The following MICU3 variants were observed in gnomAD, a reference collection of about 807,000 sequenced individuals.
The protein encoded by MICU3 is calcium uptake protein 3, mitochondrial.
A neutral mutation model predicts 66.5 loss-of-function variants in MICU3; 62 were observed. The ratio of observed to expected loss-of-function variants is 0.93; its 90% CI spans 0.76 to 1.15. The LOEUF is 1.15. MICU3 is among the 50% of genes most tolerant of loss of function. The pLI, the probability that MICU3 is intolerant of heterozygous loss-of-function variation, is 0.00. For synonymous variants in MICU3, 308 were observed against 240.7 expected, an observed-to-expected ratio of 1.28 and a Z score of -2.59; for missense variants, 779 against 664.4, an observed-to-expected ratio of 1.17 and a Z score of -1.90.
intron 8 of MICU3, among the ~76,000 whole-genome samples, chr8:17,090,843 A>G (rs936137980): frequency 6.6e-6 from 1 of 152,116 alleles, no homozygotes; most frequent in Non-Finnish European, 1.5e-5. Flanking sequence ...CAATTAAAAC[A>G]TAATAATTGA....
chr8:17,060,198 C>G (rs1174337776), intron 1 of MICU3, among the ~76,000 whole-genome samples: 1 of 152,144 alleles, frequency 6.6e-6, no homozygotes, highest in African/African-American at 2.4e-5. Context: ...CATCCTGTCT[C>G]ATTCTCCATC....
chr8:17,119,883 T>TA (rs1803061172), intron 14 of MICU3, among the ~76,000 whole-genome samples: 2 of 152,136 alleles, frequency 1.3e-5, no homozygotes, highest in African/African-American at 4.8e-5. Flanking sequence ...GTAGCTGAGT[T>TA]AACAAAAGAA....
At chr8:17,054,057 G>A (rs7015107) in intron 1 of MICU3, among the ~76,000 whole-genome samples, 23,785 of 152,078 alleles carry the variant, frequency 0.16, 3,915 homozygotes, top group African/African-American at 0.42. Context: ...AGCTTTGCAA[G>A]GTCTTTTTGA....
rs549245187 is a variant in MICU3 at position 17,122,025 on chromosome 8, C to T, written c.*1738C>T. The T allele has an allele frequency of 7.9e-5, 12 of 151,798 alleles. No individual in the cohort carries two copies. The highest frequency in any genetic ancestry group is 6.2e-4 in the South Asian group (3 of 4,824). 9.4% of individuals were successfully genotyped at this position (151,798 alleles called of 1,614,324 possible). On this transcript the variant is annotated 3_prime_UTR_variant, in exon 15 of 15. Coordinates refer to ENST00000318063, the MANE Select transcript of MICU3 (RefSeq NM_181723.3). ...CTTGACTATAAGTTATACTATGTTGCGTACATGGCAAATCCTGCAAATATA... is the reference window on the plus strand; with the variant it reads ...CTTGACTATAAGTTATACTATGTTGTGTACATGGCAAATCCTGCAAATATA...
chr8:17,078,893 T>C (rs1329020850), intron 4 of MICU3, among the ~76,000 whole-genome samples: 2 of 152,138 alleles, frequency 1.3e-5, no homozygotes, highest in East Asian at 3.9e-4. Flanking sequence ...CTAGATGTTG[T>C]CTTAAAGATT....
chr8:17,068,736 A>T (rs892474956), intron 2 of MICU3, among the ~76,000 whole-genome samples: 13 of 152,196 alleles, frequency 8.5e-5, no homozygotes, highest in African/African-American at 2.9e-4. Context: ...AATAAAGAAA[A>T]AACTACACAG....
chr8:17,036,043 C>T (rs1007145349), intron 1 of MICU3, among the ~76,000 whole-genome samples: 1 of 152,096 alleles, frequency 6.6e-6, no homozygotes, highest in Non-Finnish European at 1.5e-5. Flanking sequence ...AGAATGAAGC[C>T]GCGGACCCTC....
downstream of MICU3, among the ~76,000 whole-genome samples, chr8:17,123,751 A>G (rs1326370600): frequency 6.6e-6 from 1 of 152,066 alleles, no homozygotes; most frequent in East Asian, 1.9e-4. Flanking sequence ...TATTAAAATA[A>G]TAACTGAAAA....
chr8:17,031,627 C>T (rs187224770), intron 1 of MICU3, among the ~76,000 whole-genome samples: 3 of 152,094 alleles, frequency 2.0e-5, no homozygotes, highest in Admixed American at 1.3e-4. Flanking sequence ...ATAAATGATT[C>T]ATTTTGATGT....
chr8:17,047,993 A>G (rs915144767), intron 1 of MICU3, among the ~76,000 whole-genome samples: 6 of 152,218 alleles, frequency 3.9e-5, no homozygotes, highest in African/African-American at 1.4e-4. Flanking sequence ...TGAACAACTG[A>G]TACGCAAGAT....
downstream of MICU3, among the ~76,000 whole-genome samples, chr8:17,123,617 G>C (rs1291221276): frequency 6.6e-6 from 1 of 152,094 alleles, no homozygotes; most frequent in African/African-American, 2.4e-5. Flanking sequence ...TTTGGGGGCA[G>C]CATCTTTGGA....
In MICU3 at chr8:17,120,346, C is replaced by T. The variant is rs1054979236; in HGVS notation, c.*59C>T. 2.6e-5 allele frequency: 4 copies of T among 151,876 alleles called. No individual in the cohort carries two copies. Among genetic ancestry groups the T allele is most frequent in the African/African-American group, 9.7e-5 (4 of 41,344 alleles). The allele number at this position is 151,876 out of a possible 1,614,324, so 9.4% of individuals were successfully genotyped here. On this transcript the variant is annotated 3_prime_UTR_variant, in exon 15 of 15. Coordinates refer to ENST00000318063, the MANE Select transcript of MICU3 (RefSeq NM_181723.3). The stretch of plus-strand genomic sequence containing the variant: ...CTGTGTGACAAATAACAAGAAGCAA[C>T]ATTTTGAGAATGGAAGCAGGTCTGA...
At chr8:17,090,677 T>C in intron 8 of MICU3, 93 bp downstream of exon 8, 1 of 946,314 alleles carries the variant, frequency 1.1e-6, no homozygotes, top group Non-Finnish European at 1.5e-6. Context: ...ATATCTGCTG[T>C]TTACTAATAG....
chr8:17,082,757 T>C (rs558913330), intron 5 of MICU3, among the ~76,000 whole-genome samples: 1 of 152,250 alleles, frequency 6.6e-6, no homozygotes, highest in Middle Eastern at 3.4e-3. Flanking sequence ...AATCTAAAAA[T>C]ACCTTGTACT....
At chr8:17,077,634 G>A in intron 3 of MICU3, 149 bp from the exon 4 acceptor site, 1 of 507,230 alleles carries the variant, frequency 2.0e-6, no homozygotes, top group East Asian at 3.2e-5. Flanking sequence ...TTGTGTGCTT[G>A]AATGAACCAC....
chr8:17,035,658 T>A (rs945252039), intron 1 of MICU3, among the ~76,000 whole-genome samples: 3 of 152,236 alleles, frequency 2.0e-5, no homozygotes, highest in African/African-American at 7.2e-5. Context: ...AGCAAAGTGT[T>A]CAAGATGTGA....
At chr8:17,075,826 G>C (rs1051793611) in intron 3 of MICU3, among the ~76,000 whole-genome samples, 2 of 152,062 alleles carry the variant, frequency 1.3e-5, no homozygotes, top group African/African-American at 4.8e-5. Flanking sequence ...TGAGCCTATT[G>C]TCAAACCCAT....
intron 3 of MICU3, among the ~76,000 whole-genome samples, chr8:17,072,231 T>C (rs899077603): frequency 6.6e-6 from 1 of 152,072 alleles, no homozygotes; most frequent in Non-Finnish European, 1.5e-5. Context: ...TAATAGAATA[T>C]AGAATCCAGA....
downstream of MICU3, among the ~76,000 whole-genome samples, chr8:17,125,605 A>T (rs185944031): frequency 6.6e-6 from 1 of 152,276 alleles, no homozygotes; most frequent in East Asian, 1.9e-4. Flanking sequence ...TTGGCTGGCC[A>T]GATTTCGCCT....
Sources: gnomAD v4.1 joint callset for allele counts (sites outside exome capture counted in the v4.1 genomes callset) on GRCh38, gnomAD v4.1.1 for gene constraint, MANE v1.5 for transcripts, NCBI Gene and HGNC (gene_info 2026-07-23, HGNC 2026-07-21) for gene names.